Variants in SBK1 observed in about 807,000 individuals in gnomAD.
SBK1 encodes the protein SH3 domain binding kinase 1, also known as serine/threonine-protein kinase SBK1.
In SBK1, 11 loss-of-function variants were observed where a neutral mutation model predicts 24.4. The observed-to-expected ratio is 0.45, with a 90% CI of 0.28 to 0.75. The LOEUF (loss-of-function observed/expected upper bound fraction) is 0.75. SBK1 is among the 30% of genes least tolerant of loss of function. The pLI, the probability that SBK1 is intolerant of heterozygous loss-of-function variation, is 0.12. For synonymous variants in SBK1, 308 were observed against 284.4 expected (o/e 1.08, Z -0.83); for missense variants, 467 against 620.5 (o/e 0.75, Z 2.63).
chr16:28,293,304 A>T lies in SBK1; in HGVS notation c.-8+4A>T. ...CGTCCCCGCGGCCCCAGCCCAGGTA[A>T]GCCGGGCCCAGGTGAGGGGCGGCAG... On this transcript the variant is annotated splice_donor_region_variant and intron_variant, in intron 1 of 3. Transcript: ENST00000341901. 1.0e-6 allele frequency: 1 copy of T among 985,072 alleles called. No homozygotes were observed. The highest frequency in any genetic ancestry group is 1.2e-6 in the Non-Finnish European group (1 of 829,600). 61.0% of individuals were successfully genotyped at this position (985,072 alleles called of 1,614,324 possible). A position where few individuals can be genotyped will look rare whatever the true frequency, so the allele number is the denominator to read the frequency against.
At chr16:28,297,392 A>G (rs913644764) in intron 1 of SBK1, among the ~76,000 whole-genome samples, 1 of 152,168 alleles carries the variant, frequency 6.6e-6, no homozygotes, top group Admixed American at 6.5e-5. Context: ...GGCATTGTGG[A>G]GTAGCTGGGC....
chr16:28,316,201 C>A (rs2044794377), intron 1 of SBK1, among the ~76,000 whole-genome samples: 1 of 152,156 alleles, frequency 6.6e-6, no homozygotes, highest in South Asian at 2.1e-4. Flanking sequence ...GGTGTGGCCA[C>A]ATCTATACCA....
chr16:28,290,081 G>A (rs1328741338), upstream of SBK1, among the ~76,000 whole-genome samples: 1 of 143,120 alleles, frequency 7.0e-6, no homozygotes, highest in Non-Finnish European at 1.5e-5. Context: ...GTGAGACCCT[G>A]TCTCAAAAAA....
chr16:28,282,769 C>T (rs1430230151), intron 1 of SBK1, among the ~76,000 whole-genome samples: 1 of 152,124 alleles, frequency 6.6e-6, no homozygotes, highest in African/African-American at 2.4e-5. Flanking sequence ...TCTTCGAGGG[C>T]AGGGGCTAAA....
intron 1 of SBK1, among the ~76,000 whole-genome samples, chr16:28,296,670 A>T (rs1189670394): frequency 6.6e-6 from 1 of 152,170 alleles, no homozygotes; most frequent in African/African-American, 2.4e-5. Flanking sequence ...TGGTGAAGTG[A>T]ACCTGAACTT....
At chr16:28,299,406 C>T (rs577604737) in intron 1 of SBK1, among the ~76,000 whole-genome samples, 2 of 152,250 alleles carry the variant, frequency 1.3e-5, no homozygotes, top group South Asian at 2.1e-4. Flanking sequence ...CTCAAGATTC[C>T]GTAGCTGGGA....
At chr16:28,275,716 C>T (rs1383198898) in intron 1 of SBK1, among the ~76,000 whole-genome samples, 1 of 151,828 alleles carries the variant, frequency 6.6e-6, no homozygotes, top group Non-Finnish European at 1.5e-5. Context: ...CCTGAGTCTA[C>T]AAAAAATAAG....
At chr16:28,269,182 C>T (rs550538890) in intron 1 of SBK1, among the ~76,000 whole-genome samples, 1 of 151,890 alleles carries the variant, frequency 6.6e-6, no homozygotes, top group Non-Finnish European at 1.5e-5. Flanking sequence ...TAAAAGCGCC[C>T]GCCACCATGC....
At chr16:28,283,472 C>T (rs1290918283) in intron 1 of SBK1, among the ~76,000 whole-genome samples, 3 of 152,158 alleles carry the variant, frequency 2.0e-5, no homozygotes, top group African/African-American at 7.2e-5. Context: ...TGCGGCAACT[C>T]CAGGCTTACA....
At chr16:28,302,875 A>G (rs989371728) in intron 1 of SBK1, among the ~76,000 whole-genome samples, 6 of 152,026 alleles carry the variant, frequency 3.9e-5, no homozygotes, top group African/African-American at 7.2e-5. Context: ...AGGAAAAGAG[A>G]CAGTCATAAT....
intron 1 of SBK1, among the ~76,000 whole-genome samples, chr16:28,268,763 G>A (rs563889962): frequency 5.1e-4 from 76 of 149,554 alleles, no homozygotes; most frequent in East Asian, 2.4e-3. Context: ...ACTCTGTCTC[G>A]AAAAAAAAAG....
At chr16:28,309,791 A>G (rs1325430768) in intron 1 of SBK1, among the ~76,000 whole-genome samples, 4 of 152,204 alleles carry the variant, frequency 2.6e-5, no homozygotes, top group Non-Finnish European at 5.9e-5. Flanking sequence ...TGAGGACTCA[A>G]TGAATGAAAT....
intron 1 of SBK1, among the ~76,000 whole-genome samples, chr16:28,302,932 A>G (rs2141581729): frequency 6.9e-6 from 1 of 144,062 alleles, no homozygotes; most frequent in Non-Finnish European, 1.5e-5. Context: ...AAAGTGATAC[A>G]TCCTACCAGG....
chr16:28,319,299 G>A lies in SBK1; in HGVS notation c.429+102G>A. 4.6e-6 allele frequency: 4 copies of A among 871,500 alleles called. No individual in the cohort carries two copies. The highest frequency in any genetic ancestry group is 7.4e-6 in the Non-Finnish European group (4 of 539,262). The allele number at this position is 871,500 out of a possible 1,614,324, so 54.0% of individuals were successfully genotyped here. On this transcript the variant is annotated intron_variant, in intron 3 of 3. Transcript: ENST00000341901. The surrounding 1 kb of genome is among the most constrained non-coding windows in gnomAD (Gnocchi z 4.0). ...CATTTAATTAACAAGTATTTACTGG[G>A]TGCCTGCTGTATGTCAGTTACCATT...
intron 1 of SBK1, among the ~76,000 whole-genome samples, chr16:28,282,602 C>T (rs2141568731): frequency 1.2e-5 from 1 of 85,050 alleles, no homozygotes; most frequent in South Asian, 3.7e-4. Context: ...AGAGTCTTCA[C>T]ATTTTGGGGG....
At position 28,320,555 on chromosome 16, in the gene SBK1, C is replaced by G; in HGVS notation, c.909C>G (p.Arg303=). ...TACTGGCCCTGGAGCCCGAGCGCCG[C>G]GGCCCAGCCAAGGAGGTGTTCCGCT... is the stretch of plus-strand genomic sequence containing the variant. ...QRLLALEPER[R]GPAKEVFRFL... is the part of the protein sequence containing the mutation. Residue 303 remains arginine, a synonymous_variant, in exon 4 of 4, where the codon CGC becomes CGG. Transcript: ENST00000341901. The surrounding 1 kb of genome is among the most constrained non-coding windows in gnomAD (Gnocchi z 8.5). 6.4e-7 allele frequency: 1 copy of G among 1,551,874 alleles called. No homozygotes were observed. The highest frequency in any genetic ancestry group is 1.2e-5 in the South Asian group (1 of 86,880).
chr16:28,275,225 G>A (rs2044488732), intron 1 of SBK1, among the ~76,000 whole-genome samples: 1 of 152,046 alleles, frequency 6.6e-6, no homozygotes, highest in African/African-American at 2.4e-5. Flanking sequence ...AGCTACACAG[G>A]AGGCTGAGGC....
At chr16:28,273,484 A>G (rs962830987) in intron 1 of SBK1, among the ~76,000 whole-genome samples, 1 of 152,182 alleles carries the variant, frequency 6.6e-6, no homozygotes, top group African/African-American at 2.4e-5. Flanking sequence ...TCGGCCTCCC[A>G]AAGTGCTGGG....
intron 1 of SBK1, among the ~76,000 whole-genome samples, chr16:28,270,519 G>T (rs2044458545): frequency 6.6e-6 from 1 of 151,792 alleles, no homozygotes; most frequent in Non-Finnish European, 1.5e-5. Flanking sequence ...TCAACCTCCT[G>T]AGCCCAAATG....
Sources: allele counts gnomAD v4.1 joint callset (sites outside exome capture counted in the v4.1 genomes callset), GRCh38; gene constraint gnomAD v4.1.1; non-coding constraint Gnocchi (gnomAD v3.1); transcripts MANE v1.5; gene names NCBI Gene and HGNC (gene_info 2026-07-23, HGNC 2026-07-21).